ZNF738: variants seen among roughly 807,000 people sequenced by gnomAD.
The protein encoded by ZNF738 is protein ZNF738.
In ZNF738, 10 loss-of-function variants were observed where a neutral mutation model predicts 9.2. That is an observed-to-expected ratio of 1.09 (90% CI 0.67 to 1.85). The LOEUF is 1.85. Ranked by LOEUF, ZNF738 falls within the 40% of genes most tolerant of loss-of-function variation. The probability of loss-of-function intolerance (pLI) is 0.00; values close to 1 mark genes in which losing one functional copy is unlikely to be tolerated. For synonymous variants in ZNF738, 113 were observed against 94.5 expected, an observed-to-expected ratio of 1.20 and a Z score of -1.14; for missense variants, 346 against 283.6, an observed-to-expected ratio of 1.22 and a Z score of -1.58.
At chr19:21,369,639 C>T (rs1279620908) in intron 2 of ZNF738, among the ~76,000 whole-genome samples, 3 of 152,108 alleles carry the variant, frequency 2.0e-5, no homozygotes, top group African/African-American at 7.2e-5. Flanking sequence ...ATACAGAATT[C>T]TTTTCATATT....
In ZNF738 at chr19:21,382,066, CT is replaced by C. The variant is rs139193236; in HGVS notation, c.320-783del. ...AATTTACTTCTTTTTTTCTTTCTTTCTTTTTTTTTTTTTTTTTGAGATGTAG... is the reference window on the plus strand; with the variant it reads ...AATTTACTTCTTTTTTTCTTTCTTTCTTTTTTTTTTTTTTTTGAGATGTAG... On this transcript the variant is annotated intron_variant, in intron 4 of 4. Transcript: ENST00000683779. 521 of 114,590 alleles carry C rather than the reference CT, an allele frequency of 4.5e-3. 2 individuals are homozygous for C. Among genetic ancestry groups the C allele is most frequent in the African/African-American group, 0.014 (412 of 29,142 alleles). The allele number at this position is 114,590 out of a possible 1,614,324, so 7.1% of individuals were successfully genotyped here.
intron 2 of ZNF738, among the ~76,000 whole-genome samples, chr19:21,363,888 A>C (rs879832080): frequency 0.14 from 4,915 of 34,490 alleles, 281 homozygotes; most frequent in African/African-American, 0.41. Context: ...CTCCATTTAA[A>C]AAAAAAAAAA....
Position 21,384,296 on chromosome 19 carries a change from T to G in ZNF738, c.*622T>G, listed in dbSNP as rs1974041211. ...CCTTTAGTGTATTCTCAACCCTTAC[T>G]AAACATAAGATAATTCATACTGGAG... On this transcript the variant is annotated 3_prime_UTR_variant, in exon 5 of 5. Transcript: ENST00000683779. Among the ~76,000 whole-genome samples, 1 of 152,080 alleles carries G rather than the reference T, an allele frequency of 6.6e-6. No individual in the cohort carries two copies. The highest frequency in any genetic ancestry group is 6.5e-5 in the Admixed American group (1 of 15,274).
At chr19:21,360,749 T>A (rs1368334118) in intron 1 of ZNF738, among the ~76,000 whole-genome samples, 1 of 147,784 alleles carries the variant, frequency 6.8e-6, no homozygotes, top group African/African-American at 2.5e-5. Context: ...CCACCGGGCC[T>A]GGCCACTTAT....
chr19:21,373,430 G>A (rs986301886), intron 2 of ZNF738, among the ~76,000 whole-genome samples: 3 of 152,164 alleles, frequency 2.0e-5, no homozygotes, highest in Admixed American at 6.5e-5. Context: ...CACAGGGACC[G>A]TTCTGTTTGG....
rs1342651396 is a variant in ZNF738 at position 21,385,173 on chromosome 19, TTGAC to T, written c.*1502_*1505del. On this transcript the variant is annotated 3_prime_UTR_variant, in exon 5 of 5. Coordinates refer to ENST00000683779, the MANE Select transcript of ZNF738 (RefSeq NM_001355237.2). The stretch of plus-strand genomic sequence containing the variant: ...CTACCCTTACTAAAGATAAAAGAGT[TTGAC>T]TGGGTGCGGTGGCTCATGCCTGTAA... 9.3e-5 allele frequency among the ~76,000 whole-genome samples: 14 copies of T among 151,166 alleles called. No homozygotes were observed. The highest frequency in any genetic ancestry group is 5.9e-4 in the Admixed American group (9 of 15,168).
chr19:21,371,295 G>GCCACCAGCCC (rs1224727439), intron 2 of ZNF738, among the ~76,000 whole-genome samples: 2 of 152,208 alleles, frequency 1.3e-5, no homozygotes, highest in Non-Finnish European at 2.9e-5. Flanking sequence ...TCAGCCCTGG[G>GCCACCAGCCC]TCACTGGGAA....
Position 21,359,004 on chromosome 19 carries a change from T to C in ZNF738, c.-137T>C, listed in dbSNP as rs2012013. Reference sequence around the variant, plus strand: ...GCGGGATTTGTCCGCTTCTTTGTCTTTGGCTGCCGCTGGAACTCCGGGTCT... The same window carrying C: ...GCGGGATTTGTCCGCTTCTTTGTCTCTGGCTGCCGCTGGAACTCCGGGTCT... On this transcript the variant is annotated 5_prime_UTR_variant, in exon 1 of 5. Coordinates refer to ENST00000683779, the MANE Select transcript of ZNF738 (RefSeq NM_001355237.2). 0.55 allele frequency: 402,739 copies of C among 737,822 alleles called. 111,321 individuals carry two copies. The highest frequency in any genetic ancestry group is 0.68 in the Middle Eastern group (2,801 of 4,104). 45.7% of individuals were successfully genotyped at this position (737,822 alleles called of 1,614,324 possible). A position where few individuals can be genotyped will look rare whatever the true frequency, so the allele number is the denominator to read the frequency against.
At chr19:21,374,985 G>A (rs1973906561) in intron 2 of ZNF738, among the ~76,000 whole-genome samples, 1 of 152,070 alleles carries the variant, frequency 6.6e-6, no homozygotes, top group Admixed American at 6.5e-5. Context: ...TTGTGTTCAT[G>A]CCTTTCGTTT....
chr19:21,370,180 A>G (rs986942607), intron 2 of ZNF738, among the ~76,000 whole-genome samples: 3 of 152,176 alleles, frequency 2.0e-5, no homozygotes, highest in African/African-American at 7.2e-5. Context: ...TGTTTACATG[A>G]TGAGTAACAT....
At chr19:21,371,211 G>A (rs1332996103) in intron 2 of ZNF738, among the ~76,000 whole-genome samples, 2 of 152,124 alleles carry the variant, frequency 1.3e-5, no homozygotes, top group African/African-American at 2.4e-5. Flanking sequence ...CAGGTTCTGG[G>A]GCTCCACCAA....
rs1973700262 is a variant in ZNF738 at position 21,361,858 on chromosome 19, G to A, written c.96G>A (p.Lys32=). The A allele has an allele frequency of 1.3e-6, 1 of 778,972 alleles. No individual in the cohort carries two copies. Among genetic ancestry groups the A allele is most frequent in the Non-Finnish European group, 2.4e-6 (1 of 417,286 alleles). 48.3% of individuals were successfully genotyped at this position (778,972 alleles called of 1,614,324 possible). A position where few individuals can be genotyped will look rare whatever the true frequency, so the allele number is the denominator to read the frequency against. ...TTCTGGAGTACTCTTATTTTGAAAAGGTAACCCCTTGATATGTTAAAATTG... is the reference window on the plus strand; with the variant it reads ...TTCTGGAGTACTCTTATTTTGAAAAAGTAACCCCTTGATATGTTAAAATTG... ...RNLLEYSYFE[K]GPLTFRDVVI... is the part of the protein sequence containing the mutation. Residue 32 remains lysine, a splice_region_variant and synonymous_variant, in exon 2 of 5, where the codon AAG becomes AAA. Coordinates refer to ENST00000683779, the MANE Select transcript of ZNF738 (RefSeq NM_001355237.2).
At chr19:21,365,244 C>T (rs892215636) in intron 2 of ZNF738, among the ~76,000 whole-genome samples, 1 of 151,990 alleles carries the variant, frequency 6.6e-6, no homozygotes, top group Non-Finnish European at 1.5e-5. Flanking sequence ...TTATCCTGCT[C>T]CTTACTGCAA....
Position 21,384,039 on chromosome 19 carries a change from C to A in ZNF738, c.*365C>A. The A allele has an allele frequency of 6.4e-7, 1 of 1,556,538 alleles. No individual in the cohort carries two copies. Among genetic ancestry groups the A allele is most frequent in the Non-Finnish European group, 8.8e-7 (1 of 1,132,164 alleles). On this transcript the variant is annotated 3_prime_UTR_variant, in exon 5 of 5. Transcript: ENST00000683779. ...CAAAGCTTTCTACCGATTCATTTACCTTACTACACATAAGAGAATTCACAC... is the reference window on the plus strand; with the variant it reads ...CAAAGCTTTCTACCGATTCATTTACATTACTACACATAAGAGAATTCACAC...
chr19:21,382,526 C>T (rs1410108154), intron 4 of ZNF738, among the ~76,000 whole-genome samples: 1 of 152,078 alleles, frequency 6.6e-6, no homozygotes, highest in African/African-American at 2.4e-5. Context: ...TGTGAGCCAC[C>T]ACATCTGGGG....
intron 2 of ZNF738, among the ~76,000 whole-genome samples, chr19:21,369,259 C>T (rs1215258751): frequency 1.3e-5 from 2 of 152,020 alleles, no homozygotes; most frequent in African/African-American, 4.8e-5. Context: ...TAGGCTCACA[C>T]CATCACGCCT....
intron 2 of ZNF738, among the ~76,000 whole-genome samples, chr19:21,367,601 G>A (rs1395806795): frequency 6.6e-6 from 1 of 152,290 alleles, no homozygotes; most frequent in Middle Eastern, 3.4e-3. Flanking sequence ...GGAACTCCAG[G>A]TGTCTGAAAA....
intron 2 of ZNF738, among the ~76,000 whole-genome samples, chr19:21,362,716 A>G (rs1216899361): frequency 1.3e-5 from 2 of 152,206 alleles, no homozygotes; most frequent in African/African-American, 2.4e-5. Flanking sequence ...AATTAATCAT[A>G]TATTTCATTT....
At chr19:21,377,490 A>G (rs1423306517) in intron 4 of ZNF738, 1 of 695,462 alleles carries the variant, frequency 1.4e-6, no homozygotes, top group South Asian at 1.5e-5. Flanking sequence ...TTAGTGTGAC[A>G]TACACACAGA....
Sources: gnomAD v4.1 joint callset for allele counts (sites outside exome capture counted in the v4.1 genomes callset) on GRCh38, gnomAD v4.1.1 for gene constraint, MANE v1.5 for transcripts, NCBI Gene and HGNC (gene_info 2026-07-23, HGNC 2026-07-21) for gene names.